The following FRYL variants were observed in gnomAD, a reference collection of about 807,000 sequenced individuals.
FRYL encodes the protein protein furry homolog-like.
Under a neutral mutation model 351.2 loss-of-function variants are expected in FRYL, and 150 were observed. The ratio of observed to expected loss-of-function variants is 0.43; its 90% confidence interval spans 0.37 to 0.49. FRYL has a LOEUF of 0.49. Among genes scored for constraint, FRYL ranks in the 20% least tolerant of loss-of-function variants. FRYL has a pLI of 0.00. For missense variants in FRYL, 3,036 were observed against 3,619.3 expected (o/e 0.84, Z 4.13); for synonymous variants, 1,153 against 1,257.1 (o/e 0.92, Z 1.75).
chr4:48,673,295 T>C (rs2149512546), intron 3 of FRYL, among the ~76,000 whole-genome samples: 1 of 152,352 alleles, frequency 6.6e-6, no homozygotes, highest in Middle Eastern at 3.4e-3. Flanking sequence ...TTAAAGTTTT[T>C]TCCTATTAAA....
intron 3 of FRYL, among the ~76,000 whole-genome samples, chr4:48,677,308 A>T (rs1763867421): frequency 6.6e-6 from 1 of 152,206 alleles, no homozygotes; most frequent in Admixed American, 6.5e-5. Context: ...ATTCTAAGCT[A>T]GACTTATTCT....
chr4:48,699,553 A>C (rs1042356700), intron 2 of FRYL, among the ~76,000 whole-genome samples: 3 of 152,190 alleles, frequency 2.0e-5, no homozygotes, highest in Non-Finnish European at 4.4e-5. Context: ...TTTAATCTAA[A>C]ATACATGCTT....
Position 48,653,985 on chromosome 4 carries a change from G to A in FRYL, c.-80-19495C>T, listed in dbSNP as rs1333411110. On this transcript the variant is annotated intron_variant, in intron 3 of 63. Coordinates refer to ENST00000358350, the MANE Select transcript of FRYL (RefSeq NM_015030.2). ...GACGCACAACTATAGTGGAAATGCC[G>A]CTGAATGCAGATGAACTATCCAGTT... is the stretch of plus-strand genomic sequence containing the variant. 22 of 1,083,600 alleles carry A rather than the reference G, an allele frequency of 2.0e-5. No individual in the cohort carries two copies. In the South Asian group the frequency reaches 3.0e-4, roughly 15 times the overall value. The allele number at this position is 1,083,600 out of a possible 1,614,324, so 67.1% of individuals were successfully genotyped here.
intron 1 of FRYL, among the ~76,000 whole-genome samples, chr4:48,724,548 A>G (rs1024105921): frequency 2.6e-5 from 4 of 152,150 alleles, no homozygotes; most frequent in African/African-American, 9.7e-5. Context: ...TGTCTACCCG[A>G]CTAAAAAGCA....
At chr4:48,750,258 C>A (rs1272396752) in intron 1 of FRYL, among the ~76,000 whole-genome samples, 1 of 151,688 alleles carries the variant, frequency 6.6e-6, no homozygotes, top group Admixed American at 6.6e-5. Flanking sequence ...TCCAGGAGTT[C>A]GAGATCAGCC....
chr4:48,743,772 G>T (rs751698485), intron 1 of FRYL, among the ~76,000 whole-genome samples: 1 of 152,182 alleles, frequency 6.6e-6, no homozygotes. Flanking sequence ...TCAGTTGAAG[G>T]CCCTGATGGA....
chr4:48,603,200 T>C, intron 12 of FRYL, 90 bp downstream of exon 12: 1 of 940,040 alleles, frequency 1.1e-6, no homozygotes, highest in African/African-American at 1.7e-5. Flanking sequence ...ATTTCAGATT[T>C]TACCATTCTC....
intron 1 of FRYL, among the ~76,000 whole-genome samples, chr4:48,767,277 A>T (rs1001195308): frequency 1.3e-5 from 2 of 152,026 alleles, no homozygotes; most frequent in South Asian, 4.1e-4. Context: ...TGTGCTACAC[A>T]CTTTCAAAGG....
At chr4:48,558,555 T>C (rs1197544541) in intron 33 of FRYL, among the ~76,000 whole-genome samples, 1 of 152,248 alleles carries the variant, frequency 6.6e-6, no homozygotes, top group Non-Finnish European at 1.5e-5. Flanking sequence ...GGAACTTAAC[T>C]GCATACTTGA....
chr4:48,652,570 A>G (rs1473736879), intron 3 of FRYL, among the ~76,000 whole-genome samples: 1 of 152,242 alleles, frequency 6.6e-6, no homozygotes, highest in Non-Finnish European at 1.5e-5. Context: ...TCCATATGGA[A>G]GAATTACTTA....
chr4:48,762,350 TC>T (rs1774506571), intron 1 of FRYL, among the ~76,000 whole-genome samples: 3 of 152,196 alleles, frequency 2.0e-5, no homozygotes, highest in Admixed American at 2.0e-4. Flanking sequence ...TGTATGAACA[TC>T]CTTCTTAAAA....
intron 1 of FRYL, among the ~76,000 whole-genome samples, chr4:48,715,209 G>A (rs1218394429): frequency 1.3e-5 from 2 of 151,280 alleles, no homozygotes; most frequent in Non-Finnish European, 3.0e-5. Flanking sequence ...TTGAAAACTG[G>A]CACAAGACAG....
At position 48,671,941 on chromosome 4, in the gene FRYL, T is replaced by G. The variant is rs548477022; in HGVS notation, c.-81+12732A>C. Among the ~76,000 whole-genome samples, 214 of 143,168 alleles carry G rather than the reference T, an allele frequency of 1.5e-3. 6 individuals carry two copies. The South Asian group carries it at 0.046, about 30-fold the overall frequency. The allele number at this position is 143,168 out of a possible 152,430, so 93.9% of individuals were successfully genotyped here. ...CTGTTTCAAGCCCCATTAACTGTCC[T>G]ATAAGTCAAGTGCTAAAATTTTCAG... On this transcript the variant is annotated intron_variant, in intron 3 of 63. Coordinates refer to ENST00000358350, the MANE Select transcript of FRYL (RefSeq NM_015030.2).
intron 2 of FRYL, among the ~76,000 whole-genome samples, chr4:48,686,018 G>T (rs903621546): frequency 6.6e-6 from 1 of 152,186 alleles, no homozygotes; most frequent in African/African-American, 2.4e-5. Context: ...TGGGATTACA[G>T]GCGTGAGCCA....
At chr4:48,611,721 G>A (rs1483632203) in intron 7 of FRYL, among the ~76,000 whole-genome samples, 1 of 152,020 alleles carries the variant, frequency 6.6e-6, no homozygotes. Context: ...AAAACAATTT[G>A]AAGTAACTGT....
At chr4:48,518,970 A>G (rs1724287416) in intron 55 of FRYL, among the ~76,000 whole-genome samples, 1 of 152,168 alleles carries the variant, frequency 6.6e-6, no homozygotes, top group Non-Finnish European at 1.5e-5. Context: ...CCTAGTGCCT[A>G]GCACGAGGTA....
chr4:48,548,786 T>C lies in FRYL; in HGVS notation c.4792A>G (p.Ile1598Val), dbSNP rs1468111703. The change falls in exon 40 of 64, where the codon ATA becomes GTA. Residue 1598 changes from isoleucine to valine, a missense_variant. Transcript: ENST00000358350. ...SPGLPLHRCN[I>V]AVILLTDLII... ...AGATCAGTCAAAAGGATCACTGCTA[T>C]GTTACACCTATGACAAATAAGAGTT... 2 of 1,586,010 alleles carry C rather than the reference T, an allele frequency of 1.3e-6. No homozygotes were observed. Among genetic ancestry groups the C allele is most frequent in the Non-Finnish European group, 1.7e-6 (2 of 1,159,156 alleles).
At chr4:48,704,393 T>C (rs1238964916) in intron 2 of FRYL, among the ~76,000 whole-genome samples, 2 of 152,116 alleles carry the variant, frequency 1.3e-5, no homozygotes, top group African/African-American at 2.4e-5. Flanking sequence ...TTTGACAACA[T>C]ATTCTGCTGG....
At chr4:48,606,752 G>T in intron 9 of FRYL, 146 bp from the exon 10 acceptor site, 1 of 520,828 alleles carries the variant, frequency 1.9e-6, no homozygotes, top group South Asian at 5.8e-5. Context: ...GGCACACAGA[G>T]GAAAATAAAA....
Sources: gnomAD v4.1 joint callset for allele counts (sites outside exome capture counted in the v4.1 genomes callset) on GRCh38, gnomAD v4.1.1 for gene constraint, MANE v1.5 for transcripts, NCBI Gene and HGNC (gene_info 2026-07-23, HGNC 2026-07-21) for gene names.